The following UBE2U variants were observed in gnomAD, a reference collection of about 807,000 sequenced individuals.
The protein encoded by UBE2U is ubiquitin-conjugating enzyme E2 U.
Under a neutral mutation model 41.2 loss-of-function variants are expected in UBE2U, and 39 were observed. The ratio of observed to expected loss-of-function variants is 0.95; its 90% CI spans 0.73 to 1.24. UBE2U has a LOEUF of 1.24. Ranked by LOEUF, UBE2U falls within the 50% of genes most tolerant of loss-of-function variation. The probability of loss-of-function intolerance (pLI) is 0.00; values close to 1 mark genes in which losing one functional copy is unlikely to be tolerated. For synonymous variants in UBE2U, 107 were observed against 117.8 expected (o/e 0.91, Z 0.60); for missense variants, 336 against 363.1 (o/e 0.93, Z 0.61).
At chr1:64,265,725 C>T (rs1557755191) in intron 9 of UBE2U, among the ~76,000 whole-genome samples, 1 of 152,094 alleles carries the variant, frequency 6.6e-6, no homozygotes, top group Non-Finnish European at 1.5e-5. Flanking sequence ...ATTACAGGCT[C>T]CTGCCACCAC....
chr1:64,205,167 C>G (rs1173408312), intron 1 of UBE2U, among the ~76,000 whole-genome samples: 1 of 152,108 alleles, frequency 6.6e-6, no homozygotes, highest in Non-Finnish European at 1.5e-5. Flanking sequence ...GGAACAACTC[C>G]TCAAGTATAG....
At chr1:64,259,406 G>A (rs1363685909) in intron 8 of UBE2U, among the ~76,000 whole-genome samples, 3 of 152,116 alleles carry the variant, frequency 2.0e-5, no homozygotes, top group Non-Finnish European at 2.9e-5. Context: ...CCATGCCTAT[G>A]TCCTGAATGG....
At chr1:64,208,299 G>A (rs2100248358) in intron 3 of UBE2U, among the ~76,000 whole-genome samples, 1 of 152,192 alleles carries the variant, frequency 6.6e-6, no homozygotes, top group African/African-American at 2.4e-5. Flanking sequence ...GTGCAAGAGT[G>A]TGTTATATTT....
At chr1:64,258,178 CAG>C (rs909335697) in intron 8 of UBE2U, among the ~76,000 whole-genome samples, 1 of 152,136 alleles carries the variant, frequency 6.6e-6, no homozygotes, top group African/African-American at 2.4e-5. Context: ...TCCATGAAGT[CAG>C]AGACCTTGTC....
At chr1:64,239,898 C>T (rs773245271) in intron 7 of UBE2U, among the ~76,000 whole-genome samples, 2 of 152,122 alleles carry the variant, frequency 1.3e-5, no homozygotes, top group Non-Finnish European at 2.9e-5. Flanking sequence ...AATGGGATGG[C>T]TGGGTCAAGT....
chr1:64,262,433 C>A (rs1314249676), intron 9 of UBE2U, among the ~76,000 whole-genome samples: 2 of 152,176 alleles, frequency 1.3e-5, no homozygotes, highest in Non-Finnish European at 2.9e-5. Context: ...GGCTGGGCTG[C>A]ATTCTCATCC....
intron 6 of UBE2U, among the ~76,000 whole-genome samples, chr1:64,221,355 C>T (rs1652447262): frequency 6.6e-6 from 1 of 152,166 alleles, no homozygotes; most frequent in African/African-American, 2.4e-5. Context: ...TCAGGTGATC[C>T]ACCCGCCTCG....
intron 6 of UBE2U, among the ~76,000 whole-genome samples, chr1:64,222,089 C>T (rs1342653338): frequency 2.4e-5 from 1 of 42,126 alleles, no homozygotes; most frequent in Non-Finnish European, 3.8e-5. Flanking sequence ...GAGACTCCAT[C>T]TCAAAAAAAA....
At chr1:64,244,230 A>G in intron 8 of UBE2U, 1 of 1,550,834 alleles carries the variant, frequency 6.4e-7, no homozygotes, top group Non-Finnish European at 8.7e-7. Flanking sequence ...TTGTTTTTTT[A>G]TCTGTTAAAT....
intron 8 of UBE2U, among the ~76,000 whole-genome samples, chr1:64,258,565 T>C (rs1392316894): frequency 6.8e-6 from 1 of 146,404 alleles, no homozygotes; most frequent in Admixed American, 7.0e-5. Flanking sequence ...AGTGAGAACA[T>C]GCAGTGTTTG....
At position 64,204,017 on chromosome 1, in the gene UBE2U, T is replaced by G. The variant is rs377291502; in HGVS notation, c.-34T>G. 1 of 1,604,886 alleles carries G rather than the reference T, an allele frequency of 6.2e-7. No homozygotes were observed. The highest frequency in any genetic ancestry group is 2.2e-5 in the East Asian group (1 of 44,678). On this transcript the variant is annotated 5_prime_UTR_variant, in exon 1 of 10. The change creates a new upstream start codon in the 5' untranslated region. Transcript: ENST00000371077. ...CTGCCTCAGAGTAAACCTGAGGCAT[T>G]TGGGGACAAGTGTCAGACCCTCCGC...
At chr1:64,244,180 A>G (rs370290605) in intron 8 of UBE2U, 1 of 1,603,996 alleles carries the variant, frequency 6.2e-7, no homozygotes, top group African/African-American at 1.3e-5. Context: ...TGAGCTTCAG[A>G]GTCAAACAGA....
intron 7 of UBE2U, among the ~76,000 whole-genome samples, chr1:64,239,159 A>AGAG (rs1644772702): frequency 3.7e-5 from 2 of 54,736 alleles, no homozygotes; most frequent in East Asian, 7.1e-4. Context: ...AGAAGAAGAA[A>AGAG]GAAGAAGAAG....
At chr1:64,239,157 A>AAGAAGAAGAAGAAGAAG in intron 7 of UBE2U, among the ~76,000 whole-genome samples, 34 of 36,972 alleles carry the variant, frequency 9.2e-4, no homozygotes, top group Admixed American at 1.3e-3. Context: ...GAAGAAGAAG[A>AAGAAGAAGAAGAAGAAG]AAGAAGAAGA....
chr1:64,246,453 A>G (rs1348539053), intron 8 of UBE2U, among the ~76,000 whole-genome samples: 1 of 152,194 alleles, frequency 6.6e-6, no homozygotes, highest in African/African-American at 2.4e-5. Flanking sequence ...TTATAAGTTT[A>G]CTTAATTATG....
chr1:64,261,655 C>A (rs1645182109), intron 9 of UBE2U, among the ~76,000 whole-genome samples: 1 of 152,188 alleles, frequency 6.6e-6, no homozygotes, highest in African/African-American at 2.4e-5. Flanking sequence ...CTCCATTCAA[C>A]TCTCCCTTCT....
At chr1:64,208,225 A>G (rs1462831185) in intron 3 of UBE2U, among the ~76,000 whole-genome samples, 1 of 152,220 alleles carries the variant, frequency 6.6e-6, no homozygotes, top group East Asian at 1.9e-4. Context: ...TATAAAATGC[A>G]TATATCCCTA....
intron 9 of UBE2U, among the ~76,000 whole-genome samples, chr1:64,263,511 C>G (rs1264800724): frequency 6.6e-6 from 1 of 152,202 alleles, no homozygotes; most frequent in African/African-American, 2.4e-5. Flanking sequence ...AAGCCAACCA[C>G]CTATTGACCT....
chr1:64,214,902 A>G lies in UBE2U; in HGVS notation c.427A>G (p.Ile143Val). The G allele has an allele frequency of 6.2e-7, 1 of 1,614,120 alleles. No individual in the cohort carries two copies. Among genetic ancestry groups the G allele is most frequent in the East Asian group, 2.2e-5 (1 of 44,876 alleles). The change falls in exon 5 of 10, where the codon ATT (isoleucine) becomes GTT (valine). Residue 143 changes from isoleucine (I) to valine (V), a missense_variant. By Grantham distance (29) the Ile-to-Val change is conservative. Coordinates refer to ENST00000371077, the MANE Select transcript of UBE2U (RefSeq NM_001366232.2). ...LVKDESLYRT[I>V]LRLFNRPLQM... ...TAAAGATGAATCTCTGTACAGAACA[A>G]TTCTAAGACTTTTCAACAGGCCATT...
Sources: gnomAD v4.1 joint callset for allele counts (sites outside exome capture counted in the v4.1 genomes callset) on GRCh38, gnomAD v4.1.1 for gene constraint, MANE v1.5 for transcripts, NCBI Gene and HGNC (gene_info 2026-07-23, HGNC 2026-07-21) for gene names.